The following SNX25 variants were observed in gnomAD, a reference collection of about 807,000 sequenced individuals.
SNX25 encodes sorting nexin 25.
A neutral mutation model predicts 113.7 loss-of-function variants in SNX25; 62 were observed. That is an observed-to-expected ratio of 0.55 (90% confidence interval 0.44 to 0.67). The LOEUF is 0.67. Among genes scored for constraint, SNX25 ranks in the 30% least tolerant of loss-of-function variants. The probability of loss-of-function intolerance (pLI) is 0.00; values close to 1 mark genes in which losing one functional copy is unlikely to be tolerated. For synonymous variants in SNX25, 421 were observed against 436.2 expected (o/e 0.97, Z 0.43); for missense variants, 1,014 against 1,161.0 (o/e 0.87, Z 1.84).
intron 6 of SNX25, among the ~76,000 whole-genome samples, chr4:185,296,375 G>A (rs976703540): frequency 2.0e-5 from 3 of 152,208 alleles, no homozygotes; most frequent in Middle Eastern, 3.4e-3. Context: ...GGCTTTTGAG[G>A]CTTCAACACA....
chr4:185,372,820 C>T (rs2095420352), downstream of SNX25: 1 of 1,509,432 alleles, frequency 6.6e-7, no homozygotes, highest in African/African-American at 1.4e-5. Flanking sequence ...GTGTGATATT[C>T]TGTTACAGCA....
chr4:185,239,552 A>C (rs191536711), intron 1 of SNX25, among the ~76,000 whole-genome samples: 5 of 152,284 alleles, frequency 3.3e-5, no homozygotes, highest in African/African-American at 9.6e-5. Context: ...ATGTTCTTAA[A>C]ATTTTCTCTC....
At chr4:185,258,377 C>A (rs1416992409) in intron 2 of SNX25, among the ~76,000 whole-genome samples, 1 of 152,200 alleles carries the variant, frequency 6.6e-6, no homozygotes. Flanking sequence ...CCCCTTCCTC[C>A]TCCAGTTGCC....
chr4:185,370,545 G>A (rs560952677), downstream of SNX25: 53 of 1,288,820 alleles, frequency 4.1e-5, no homozygotes, highest in South Asian at 6.6e-4. Context: ...CAGTAATTGA[G>A]TAGAAAAAAC....
chr4:185,225,776 T>C (rs1240866337), intron 1 of SNX25, among the ~76,000 whole-genome samples: 1 of 152,180 alleles, frequency 6.6e-6, no homozygotes, highest in Non-Finnish European at 1.5e-5. Context: ...GTTATTCTCA[T>C]GTTGTGGATG....
chr4:185,378,568 C>G, the SNX25 span: 1 of 1,010,224 alleles, frequency 9.9e-7, no homozygotes, highest in Admixed American at 5.6e-5. Context: ...CTCTTCTGCA[C>G]TGGTACCTTC....
At chr4:185,241,719 GA>G (rs1308851034) in intron 1 of SNX25, among the ~76,000 whole-genome samples, 5 of 152,056 alleles carry the variant, frequency 3.3e-5, no homozygotes, top group African/African-American at 1.2e-4. Flanking sequence ...TCTGGACCAG[GA>G]TACTGAAGAT....
chr4:185,289,131 C>G (rs993504765), intron 6 of SNX25, among the ~76,000 whole-genome samples: 2 of 152,132 alleles, frequency 1.3e-5, no homozygotes, highest in Non-Finnish European at 2.9e-5. Context: ...CTCAGCTCAG[C>G]CTGTAAGGAA....
intron 5 of SNX25, among the ~76,000 whole-genome samples, chr4:185,275,564 T>C (rs896729814): frequency 2.6e-5 from 4 of 152,336 alleles, no homozygotes; most frequent in Admixed American, 2.6e-4. Context: ...CAGGTCTGCT[T>C]GCACATGAAG....
At chr4:185,287,973 TC>T in intron 5 of SNX25, 38 bp from the exon 6 acceptor site, 1 of 1,501,392 alleles carries the variant, frequency 6.7e-7, no homozygotes, top group Admixed American at 1.7e-5. Flanking sequence ...AGTATTTTCT[TC>T]CTCTTAAATC....
the SNX25 span, chr4:185,377,101 C>G: frequency 6.1e-6 from 6 of 983,578 alleles, no homozygotes; most frequent in Non-Finnish European, 8.0e-6. Context: ...TAAAATCCAT[C>G]TAACACTGTT....
rs1335462979 is a variant in SNX25, at chr4:185,266,953, C to T, written c.905-16C>T. The T allele has an allele frequency of 1.2e-6, 2 of 1,602,340 alleles. No individual in the cohort carries two copies. The highest frequency in any genetic ancestry group is 1.3e-5 in the African/African-American group (1 of 74,356). The stretch of plus-strand genomic sequence containing the variant: ...AGAATACCTTTCTCAGTGGCTATTT[C>T]TTCTTCTTCCTGTAGTCTTGAAGCC... On this transcript the variant is annotated splice_polypyrimidine_tract_variant and intron_variant, in intron 4 of 18. Coordinates refer to ENST00000652585, the MANE Select transcript of SNX25 (RefSeq NM_001378034.2).
At chr4:185,369,842 G>A (rs780133489) in exon 12 of SNX25, 16 of 413,154 alleles carry the variant, frequency 3.9e-5, no homozygotes, top group Non-Finnish European at 6.2e-5. Flanking sequence ...AAAGATCCTC[G>A]GGTGATTTTA....
chr4:185,336,688 G>A (rs940962376), intron 10 of SNX25, among the ~76,000 whole-genome samples: 9 of 152,190 alleles, frequency 5.9e-5, no homozygotes, highest in Non-Finnish European at 1.2e-4. Context: ...CTAGTAGTGG[G>A]ATTGCTGGAT....
At chr4:185,360,346 G>C (rs1469714930) in intron 16 of SNX25, among the ~76,000 whole-genome samples, 1 of 152,196 alleles carries the variant, frequency 6.6e-6, no homozygotes, top group East Asian at 1.9e-4. Context: ...TTGACTCATA[G>C]CAGTGACCGA....
chr4:185,371,366 C>CACT (rs1487981714), downstream of SNX25, among the ~76,000 whole-genome samples: 1 of 151,766 alleles, frequency 6.6e-6, no homozygotes, highest in South Asian at 2.1e-4. Flanking sequence ...GGTGAAACCC[C>CACT]GTCTCTACTA....
At chr4:185,353,278 C>A in intron 14 of SNX25, 1 of 443,802 alleles carries the variant, frequency 2.3e-6, no homozygotes, top group African/African-American at 1.9e-5. Flanking sequence ...TTTAAATTAG[C>A]TTATTTTAAG....
Position 185,360,950 on chromosome 4 carries a change from T to TATATATATATATAGATAG in SNX25, c.2652-971_2652-970insTATATATATAGATAGATA, listed in dbSNP as rs1048534398. Among the ~76,000 whole-genome samples, 291 of 141,778 alleles carry TATATATATATATAGATAG rather than the reference T, an allele frequency of 2.1e-3. 1 individual carries two copies. The highest frequency in any genetic ancestry group is 3.3e-3 in the Non-Finnish European group (216 of 65,588). 93.0% of individuals were successfully genotyped at this position (141,778 alleles called of 152,430 possible). ...AAAATAATATATATATATATATATA[T>TATATATATATATAGATAG]ATAGAATCTGTCTAATGACTAACGA... is the stretch of plus-strand genomic sequence containing the variant. On this transcript the variant is annotated intron_variant, in intron 16 of 18. Coordinates refer to ENST00000652585, the MANE Select transcript of SNX25 (RefSeq NM_001378034.2).
the SNX25 span, among the ~76,000 whole-genome samples, chr4:185,376,019 T>C: frequency 1.3e-5 from 2 of 152,062 alleles, no homozygotes; most frequent in African/African-American, 4.8e-5. Flanking sequence ...GCTGCCCAAA[T>C]AGTCAACAAA....
Sources: allele counts gnomAD v4.1 joint callset (sites outside exome capture counted in the v4.1 genomes callset), GRCh38; gene constraint gnomAD v4.1.1; transcripts MANE v1.5; gene names NCBI Gene and HGNC (gene_info 2026-07-23, HGNC 2026-07-21).